The following TNPO3 variants were observed in gnomAD, a reference collection of about 807,000 sequenced individuals.
TNPO3 encodes the protein transportin-3.
A neutral mutation model predicts 122.8 loss-of-function variants in TNPO3; 65 were observed. That is an observed-to-expected ratio of 0.53 (90% CI 0.43 to 0.65). TNPO3 has a LOEUF of 0.65. Among genes scored for constraint, TNPO3 ranks in the 30% least tolerant of loss-of-function variants. The pLI is 0.00. For missense variants in TNPO3, 850 were observed against 1,136.7 expected (o/e 0.75, Z 3.63); for synonymous variants, 372 against 411.2 (o/e 0.90, Z 1.15).
chr7:128,984,044 T>C, intron 13 of TNPO3, 124 bp downstream of exon 13: 1 of 536,454 alleles, frequency 1.9e-6, no homozygotes, highest in South Asian at 3.2e-5. Context: ...TTTTAATAAA[T>C]TCTTAGTGCA....
In TNPO3 at chr7:128,996,611, C is replaced by T. The variant is rs148274994; in HGVS notation, c.1158+778G>A. On this transcript the variant is annotated intron_variant, in intron 8 of 22. Transcript: ENST00000265388. The stretch of plus-strand genomic sequence containing the variant: ...ACAAATAATTAGCCTGGCATGGTGG[C>T]GGGTGCCTGTAATCCCAGCTACTCG... Among the ~76,000 whole-genome samples the T allele has an allele frequency of 7.3e-3, 1,112 of 151,862 alleles. 11 individuals are homozygous for T. Among genetic ancestry groups the T allele is most frequent in the African/African-American group, 0.025 (1,021 of 41,414 alleles).
At position 129,054,961 on chromosome 7, in the gene TNPO3, T is replaced by C; in HGVS notation, c.-191A>G. The C allele has an allele frequency of 1.5e-6, 1 of 661,978 alleles. No individual in the cohort carries two copies. Among genetic ancestry groups the C allele is most frequent in the Non-Finnish European group, 2.5e-6 (1 of 396,800 alleles). 41.0% of individuals were successfully genotyped at this position (661,978 alleles called of 1,614,324 possible). ...TGCCCCCTCGGAAACAGCTATTAGG[T>C]CGTATTCAGGTTCCTGGCCTTTTTT... On this transcript the variant is annotated 5_prime_UTR_variant, in exon 1 of 23. Coordinates refer to ENST00000265388, the MANE Select transcript of TNPO3 (RefSeq NM_012470.4).
At chr7:129,002,635 C>T (rs1377151973) in intron 5 of TNPO3, among the ~76,000 whole-genome samples, 7 of 152,048 alleles carry the variant, frequency 4.6e-5, no homozygotes, top group East Asian at 3.9e-4. Flanking sequence ...AGTCAGTGTT[C>T]GAGCTGGGCA....
intron 3 of TNPO3, among the ~76,000 whole-genome samples, chr7:129,016,124 T>C (rs1803827517): frequency 1.3e-5 from 2 of 151,874 alleles, no homozygotes; most frequent in Non-Finnish European, 1.5e-5. Context: ...TTATCCAAGC[T>C]GGATGAGGTG....
intron 4 of TNPO3, among the ~76,000 whole-genome samples, chr7:129,008,323 T>A (rs1024666754): frequency 6.6e-6 from 1 of 151,832 alleles, no homozygotes; most frequent in Non-Finnish European, 1.5e-5. Context: ...TCTAGACTAA[T>A]CTGAGCAACA....
intron 5 of TNPO3, among the ~76,000 whole-genome samples, chr7:129,001,797 T>G (rs560866132): frequency 2.0e-5 from 3 of 152,368 alleles, no homozygotes; most frequent in Admixed American, 6.5e-5. Context: ...GAAGTCATGG[T>G]CGTATCATTT....
intron 22 of TNPO3, 44 bp downstream of exon 22, chr7:128,957,180 C>G (rs1266992870): frequency 6.5e-7 from 1 of 1,541,958 alleles, no homozygotes; most frequent in Admixed American, 1.7e-5. Flanking sequence ...GCATCCCCAA[C>G]AGTCCGACAG....
rs1797581617 is a variant in TNPO3, at chr7:128,962,665, TCTTA to T, written c.2711+4611_2711+4614del. ...CTTTCTCTAGCACCTCTACATTAGC[TCTTA>T]CTTCTGTTCATTTCCCACCACTATG... On this transcript the variant is annotated intron_variant, in intron 21 of 22. Transcript: ENST00000265388. Among the ~76,000 whole-genome samples, 15 of 152,334 alleles carry T rather than the reference TCTTA, an allele frequency of 9.8e-5. No individual in the cohort carries two copies. In the South Asian group the frequency reaches 2.9e-3, roughly 29 times the overall value.
rs1802426109 is a variant in TNPO3, at chr7:129,005,168, A to AG, written c.553-10dup. On this transcript the variant is annotated splice_polypyrimidine_tract_variant and intron_variant, in intron 4 of 22. Coordinates refer to ENST00000265388, the MANE Select transcript of TNPO3 (RefSeq NM_012470.4). ...TTTTCTACACAGGTCATCTGAATAG[A>AG]GAAAAAAACTTAAAATGAATAATGT... 6.2e-7 allele frequency: 1 copy of AG among 1,607,170 alleles called. No homozygotes were observed. Among genetic ancestry groups the AG allele is most frequent in the African/African-American group, 1.3e-5 (1 of 74,440 alleles).
At chr7:128,974,845 AT>A (rs1798896564) in intron 18 of TNPO3, 22 bp downstream of exon 18, 1 of 1,593,550 alleles carries the variant, frequency 6.3e-7, no homozygotes, top group African/African-American at 1.3e-5. Context: ...CAATTAAGAA[AT>A]GGGCTCTTCA....
chr7:128,998,003 A>C (rs1801516227), intron 7 of TNPO3, among the ~76,000 whole-genome samples: 1 of 142,124 alleles, frequency 7.0e-6, no homozygotes, highest in Non-Finnish European at 1.5e-5. Context: ...AAGCTCAGCT[A>C]ATTTTTTTTT....
chr7:129,022,464 TAAAAAAA>T (rs962182640), intron 1 of TNPO3, among the ~76,000 whole-genome samples: 1 of 140,906 alleles, frequency 7.1e-6, no homozygotes, highest in African/African-American at 2.6e-5. Flanking sequence ...CCCCGTTTCT[TAAAAAAA>T]AAAAAGAAAA....
At chr7:128,987,843 T>C (rs1339847645) in intron 11 of TNPO3, among the ~76,000 whole-genome samples, 3 of 152,070 alleles carry the variant, frequency 2.0e-5, no homozygotes, top group Non-Finnish European at 4.4e-5. Context: ...CCTCCCAAAG[T>C]GCTGGGGTTA....
chr7:129,040,797 A>C (rs1417949903), intron 1 of TNPO3, among the ~76,000 whole-genome samples: 1 of 152,148 alleles, frequency 6.6e-6, no homozygotes, highest in African/African-American at 2.4e-5. Context: ...AAGCAAAAGG[A>C]AGGCACTATC....
chr7:129,048,935 C>T (rs965903658), intron 1 of TNPO3, among the ~76,000 whole-genome samples: 3 of 152,148 alleles, frequency 2.0e-5, no homozygotes, highest in Non-Finnish European at 4.4e-5. Context: ...TGACAAGAAT[C>T]CCAGTCTAGT....
At chr7:128,964,033 C>A (rs1197316802) in intron 21 of TNPO3, among the ~76,000 whole-genome samples, 1 of 151,974 alleles carries the variant, frequency 6.6e-6, no homozygotes, top group Non-Finnish European at 1.5e-5. Context: ...CTTTAAAGTA[C>A]AAGTTGGTTC....
At chr7:129,010,858 CATT>C (rs1213465454) in intron 4 of TNPO3, among the ~76,000 whole-genome samples, 18 of 152,008 alleles carry the variant, frequency 1.2e-4, no homozygotes, top group Admixed American at 1.1e-3. Flanking sequence ...GTAATCTCAT[CATT>C]AAGGGAGGCC....
At chr7:128,976,686 T>C (rs542230308) in intron 16 of TNPO3, among the ~76,000 whole-genome samples, 1 of 152,236 alleles carries the variant, frequency 6.6e-6, no homozygotes, top group African/African-American at 2.4e-5. Context: ...TCCACTATCC[T>C]CCCAGAATTA....
At chr7:129,029,868 A>AT (rs35069256) in intron 1 of TNPO3, 1 of 151,990 alleles carries the variant, frequency 6.6e-6, no homozygotes, top group Non-Finnish European at 1.5e-5. Flanking sequence ...TAAAAAAAAA[A>AT]CCCAAAAAAT....
Sources: gnomAD v4.1 joint callset for allele counts (sites outside exome capture counted in the v4.1 genomes callset) on GRCh38, gnomAD v4.1.1 for gene constraint, MANE v1.5 for transcripts, NCBI Gene and HGNC (gene_info 2026-07-23, HGNC 2026-07-21) for gene names.